The following P2RY11 variants were observed in gnomAD, a reference collection of about 807,000 sequenced individuals.
P2RY11 encodes purinergic receptor P2Y11.
In P2RY11, 3 loss-of-function variants were observed where a neutral mutation model predicts 2.4. That is an observed-to-expected ratio of 1.22 (90% CI 0.56 to 3.17). The LOEUF (loss-of-function observed/expected upper bound fraction) is 3.17, where lower values mean the gene tolerates loss of function less well. Ranked by LOEUF, P2RY11 falls within the 30% of genes most tolerant of loss-of-function variation. The probability of loss-of-function intolerance (pLI) is 0.03; values close to 1 mark genes in which losing one functional copy is unlikely to be tolerated. For missense variants in P2RY11, 670 were observed against 528.2 expected (o/e 1.27, Z -2.63); for synonymous variants, 307 against 237.3 (o/e 1.29, Z -2.70).
chr19:10,114,884 C>T lies in P2RY11; in HGVS notation c.*146C>T, dbSNP rs186663129. On this transcript the variant is annotated 3_prime_UTR_variant, in exon 2 of 2. Transcript: ENST00000321826. ...GGCCCAGCTGCAGCCCAGGCAGGAG[C>T]AGTCGCCTTTCCCACCCACAGCGCT... 20 of 1,428,932 alleles carry T rather than the reference C, an allele frequency of 1.4e-5. No homozygotes were observed. The African/African-American group carries it at 2.7e-4, about 19-fold the overall frequency. 88.5% of individuals were successfully genotyped at this position (1,428,932 alleles called of 1,614,324 possible).
rs749100427 is a variant in P2RY11 at position 10,114,248 on chromosome 19, TGGGCTGCGGCC to T, written c.636_646del (p.Leu212PhefsTer148). The T allele has an allele frequency of 3.1e-6, 5 of 1,598,764 alleles. No individual in the cohort carries two copies. The South Asian group carries it at 5.5e-5, about 18-fold the overall frequency. On this transcript the variant is annotated frameshift_variant, in exon 2 of 2. Coordinates refer to ENST00000321826, the MANE Select transcript of P2RY11 (RefSeq NM_002566.5). LOFTEE classifies it low-confidence loss of function (END_TRUNC). ...GCGTATAGCCTGGTGCTGGCGGGGTTGGGCTGCGGCCTGCCGCTGCTGCTCACGCTGGCAGC... is the reference window on the plus strand; with the variant it reads ...GCGTATAGCCTGGTGCTGGCGGGGTTTGCCGCTGCTGCTCACGCTGGCAGC...
chr19:10,112,666 CG>C (rs2089130971), intron 1 of P2RY11, among the ~76,000 whole-genome samples: 1 of 152,048 alleles, frequency 6.6e-6, no homozygotes, highest in Non-Finnish European at 1.5e-5. Context: ...TGGCTGGGCA[CG>C]GTGGCTCACA....
Position 10,115,230 on chromosome 19 carries a change from A to G in P2RY11, c.*492A>G, listed in dbSNP as rs2089220514. The G allele has an allele frequency of 8.8e-6, 13 of 1,471,244 alleles. No individual in the cohort carries two copies. Among genetic ancestry groups the G allele is most frequent in the Non-Finnish European group, 1.2e-5 (13 of 1,078,206 alleles). 91.1% of individuals were successfully genotyped at this position (1,471,244 alleles called of 1,614,324 possible). On this transcript the variant is annotated 3_prime_UTR_variant, in exon 2 of 2. Coordinates refer to ENST00000321826, the MANE Select transcript of P2RY11 (RefSeq NM_002566.5). ...GGGGTGGGTGGGCAGAGGACGGGGT[A>G]ATGTGAGGACGAAGCGGGCACGGAG...
rs979321964 is a variant in P2RY11 at position 10,115,355 on chromosome 19, A to G, written c.*617A>G. The G allele has an allele frequency of 8.2e-7, 1 of 1,225,734 alleles. No individual in the cohort carries two copies. Among genetic ancestry groups the G allele is most frequent in the Non-Finnish European group, 1.1e-6 (1 of 881,152 alleles). The allele number at this position is 1,225,734 out of a possible 1,614,324, so 75.9% of individuals were successfully genotyped here. ...CGGTTTTGGAAAAAAACAATAAAGG[A>G]CTGTCCCCTCAAAACCAGCCGGGGG... On this transcript the variant is annotated 3_prime_UTR_variant, in exon 2 of 2. Coordinates refer to ENST00000321826, the MANE Select transcript of P2RY11 (RefSeq NM_002566.5).
chr19:10,113,290 T>C (rs1241389599), intron 1 of P2RY11, among the ~76,000 whole-genome samples: 1 of 152,186 alleles, frequency 6.6e-6, no homozygotes, highest in Non-Finnish European at 1.5e-5. Context: ...GGCACAGATC[T>C]GAAGTGGAGC....
Position 10,114,676 on chromosome 19 carries a change from C to T in P2RY11, c.1063C>T (p.Pro355Ser), listed in dbSNP as rs769124561. The T allele has an allele frequency of 1.6e-5, 26 of 1,613,608 alleles. No individual in the cohort carries two copies. Among genetic ancestry groups the T allele is most frequent in the Non-Finnish European group, 2.0e-5 (24 of 1,179,782 alleles). The change falls in exon 2 of 2, where the codon CCC (proline) becomes TCC (serine). Residue 355 changes from proline to serine, a missense_variant. Coordinates refer to ENST00000321826, the MANE Select transcript of P2RY11 (RefSeq NM_002566.5). ...EDAKSTGQAL[P>S]LNATAAPKPS... ...CGCCAAGAGCACTGGCCAAGCCCTG[C>T]CCCTCAATGCCACAGCCGCCCCTAA... is the stretch of plus-strand genomic sequence containing the variant.
chr19:10,114,839 C>T lies in P2RY11; in HGVS notation c.*101C>T, dbSNP rs2089209726. On this transcript the variant is annotated 3_prime_UTR_variant, in exon 2 of 2. Coordinates refer to ENST00000321826, the MANE Select transcript of P2RY11 (RefSeq NM_002566.5). ...CATCCCTTCCCCCAAAAAGCAACAC[C>T]TGTGCTTGCAGCCAGGTCAGGCCCA... The T allele has an allele frequency of 1.3e-6, 2 of 1,501,490 alleles. No homozygotes were observed. Among genetic ancestry groups the T allele is most frequent in the Non-Finnish European group, 1.8e-6 (2 of 1,127,816 alleles). 93.0% of individuals were successfully genotyped at this position (1,501,490 alleles called of 1,614,324 possible).
Position 10,112,983 on chromosome 19 carries a change from C to T in P2RY11, c.20-650C>T, listed in dbSNP as rs1015213334. On this transcript the variant is annotated intron_variant, in intron 1 of 1. Transcript: ENST00000321826. ...GGTGCGAAGGTACCAAGGCACAAGT[C>T]TGCAAGAGCAGCCAGGAAGCCTGGG... Among the ~76,000 whole-genome samples the T allele has an allele frequency of 6.6e-5, 10 of 151,246 alleles. No homozygotes were observed. In the South Asian group the frequency reaches 1.9e-3, roughly 29 times the overall value.
rs767155619 is a variant in P2RY11, at chr19:10,115,063, G to A, written c.*325G>A. On this transcript the variant is annotated 3_prime_UTR_variant, in exon 2 of 2. Transcript: ENST00000321826. ...GCCCTTGGAGCCCGCGCTCTCGGAG[G>A]CTGTCTTCTGTCGCCAAGGGTCCCG... 1.9e-6 allele frequency: 3 copies of A among 1,613,012 alleles called. No homozygotes were observed. The South Asian group carries it at 3.3e-5, about 18-fold the overall frequency.
chr19:10,115,306 C>T lies in P2RY11; in HGVS notation c.*568C>T. The T allele has an allele frequency of 3.6e-6, 4 of 1,105,802 alleles. No individual in the cohort carries two copies. The highest frequency in any genetic ancestry group is 5.1e-6 in the Non-Finnish European group (4 of 785,788). 68.5% of individuals were successfully genotyped at this position (1,105,802 alleles called of 1,614,324 possible). On this transcript the variant is annotated 3_prime_UTR_variant, in exon 2 of 2. Coordinates refer to ENST00000321826, the MANE Select transcript of P2RY11 (RefSeq NM_002566.5). ...TCCACGGACTGGCAGGGACCCCAGG[C>T]ACAAGAGCTGCCACCCCTCTGCCCG...
At position 10,114,714 on chromosome 19, in the gene P2RY11, CCA is replaced by C. The variant is rs1366644357; in HGVS notation, c.1102_1103del (p.Gln368ValfsTer3). ...CAGCCGCCCCTAAACCGTCAGAGCC[CCA>C]GTCCCGTGAGCTGAGCCAATGATGT... The part of the protein sequence containing the change: ...ATAAPKPSEP[Q>X]SRELSQ On this transcript the variant is annotated frameshift_variant, in exon 2 of 2. Coordinates refer to ENST00000321826, the MANE Select transcript of P2RY11 (RefSeq NM_002566.5). LOFTEE classifies it high-confidence loss of function. 4 of 1,609,470 alleles carry C rather than the reference CCA, an allele frequency of 2.5e-6. No individual in the cohort carries two copies. The highest frequency in any genetic ancestry group is 1.7e-5 in the Admixed American group (1 of 59,784).
In P2RY11 at chr19:10,113,677, A is replaced by AG; in HGVS notation, c.64_65insG (p.Lys22ArgfsTer17). 1.3e-6 allele frequency: 2 copies of AG among 1,593,192 alleles called. No individual in the cohort carries two copies. The highest frequency in any genetic ancestry group is 1.7e-6 in the Non-Finnish European group (2 of 1,167,766). The stretch of plus-strand genomic sequence containing the variant: ...CAACTTCTTGGCAGCTGCCGACGAC[A>AG]AACTCAGTGGGTTCCAGGGGGACTT... On this transcript the variant is annotated frameshift_variant, in exon 2 of 2. Transcript: ENST00000321826. LOFTEE classifies it low-confidence loss of function (END_TRUNC).
At chr19:10,111,773 G>C in intron 1 of P2RY11, 33 bp downstream of exon 1, 1 of 1,613,032 alleles carries the variant, frequency 6.2e-7, no homozygotes, top group Non-Finnish European at 8.5e-7. Context: ...GTCTCTGGGG[G>C]TCTGCAGATT....
intron 1 of P2RY11, among the ~76,000 whole-genome samples, chr19:10,112,936 C>CT (rs1370580197): frequency 6.7e-6 from 1 of 150,222 alleles, no homozygotes; most frequent in East Asian, 1.9e-4. Flanking sequence ...GAGTGAGACT[C>CT]TGTCTCAAAA....
At position 10,114,156 on chromosome 19, in the gene P2RY11, C is replaced by T. The variant is rs751088162; in HGVS notation, c.543C>T (p.Ser181=). Residue 181 remains serine (S), a synonymous_variant, in exon 2 of 2, where the codon AGC becomes AGT. Coordinates refer to ENST00000321826, the MANE Select transcript of P2RY11 (RefSeq NM_002566.5). ...CGCAGCAGGGGGCGGGCAACTGCAG[C>T]GTGGCCAGGCCCGAGGCCTGCATCA... ...KRPQQGAGNC[S]VARPEACIKC... 14 of 1,600,792 alleles carry T rather than the reference C, an allele frequency of 8.7e-6. No individual in the cohort carries two copies. Among genetic ancestry groups the T allele is most frequent in the African/African-American group, 4.0e-5 (3 of 74,924 alleles).
Position 10,114,513 on chromosome 19 carries a change from C to T in P2RY11, c.900C>T (p.Tyr300=), listed in dbSNP as rs146974153. The change falls in exon 2 of 2, where the codon TAC becomes TAT. Residue 300 remains tyrosine (Y), a synonymous_variant. Transcript: ENST00000321826. ...CAGCAGCCCTGGAGCTGGGGCCCTA[C>T]GTGGGCTACCAGGTGATGCGGGGCC... ...QATAALELGP[Y]VGYQVMRGLM... is the part of the protein sequence containing the mutation. 36 of 1,609,200 alleles carry T rather than the reference C, an allele frequency of 2.2e-5. No homozygotes were observed. The highest frequency in any genetic ancestry group is 8.0e-5 in the African/African-American group (6 of 74,974).
In P2RY11 at chr19:10,114,107, T is replaced by C. The variant is rs764938389; in HGVS notation, c.494T>C (p.Leu165Pro). The C allele has an allele frequency of 1.9e-6, 3 of 1,600,902 alleles. No individual in the cohort carries two copies. The highest frequency in any genetic ancestry group is 1.3e-5 in the African/African-American group (1 of 75,020). ...GCCGCCCTGCTGGCCATGCCCACAC[T>C]CAGCTTCTCCCACCTGAAGAGGCCG... ...VLAALLAMPTLSFSHLKRPQQ... is the reference protein window; with the variant it reads ...VLAALLAMPTPSFSHLKRPQQ... Residue 165 changes from leucine (L) to proline (P), a missense_variant, in exon 2 of 2, where the codon CTC (leucine) becomes CCC (proline). Transcript: ENST00000321826.
At chr19:10,113,041 C>T (rs1166233777) in intron 1 of P2RY11, among the ~76,000 whole-genome samples, 7 of 149,044 alleles carry the variant, frequency 4.7e-5, no homozygotes. Context: ...TCGCGGAGCA[C>T]AGAGGGTGGC....
At position 10,111,733 on chromosome 19, in the gene P2RY11, C is replaced by T. The variant is rs150437920; in HGVS notation, c.12C>T (p.Asn4=). The T allele has an allele frequency of 4.8e-5, 77 of 1,613,442 alleles. No homozygotes were observed. The highest frequency in any genetic ancestry group is 6.7e-5 in the African/African-American group (5 of 74,832). The change falls in exon 1 of 2, where the codon AAC becomes AAT. Residue 4 remains asparagine (N), a synonymous_variant. Coordinates refer to ENST00000321826, the MANE Select transcript of P2RY11 (RefSeq NM_002566.5). ...ATCGGCACGGGAGCATGGCAGCCAA[C>T]GTCTCGGGTAAGGAGAAGGCATGTT... The part of the protein sequence containing the change: MAA[N]VSGAKSCPAN...
Sources: allele counts gnomAD v4.1 joint callset (sites outside exome capture counted in the v4.1 genomes callset), GRCh38; gene constraint gnomAD v4.1.1; transcripts MANE v1.5; gene names NCBI Gene and HGNC (gene_info 2026-07-23, HGNC 2026-07-21).